Variants in NAA25 observed in about 807,000 individuals in gnomAD.
NAA25 encodes N-terminal acetyltransferase B complex subunit NAA25.
A neutral mutation model predicts 132.5 loss-of-function variants in NAA25; 30 were observed. That is an observed-to-expected ratio of 0.23 (90% CI 0.17 to 0.31). NAA25 has a LOEUF of 0.31. Among genes scored for constraint, NAA25 ranks in the 10% least tolerant of loss-of-function variants. NAA25 has a pLI of 1.00. For missense variants in NAA25, 771 were observed against 1,150.4 expected (o/e 0.67, Z 4.77); for synonymous variants, 359 against 401.9 (o/e 0.89, Z 1.28).
rs150106559 is a variant in NAA25, at chr12:112,029,597, G to A, written c.2853C>T (p.His951=). Residue 951 remains histidine, a synonymous_variant, in exon 24 of 24, where the codon CAC becomes CAT. Coordinates refer to ENST00000261745, the MANE Select transcript of NAA25 (RefSeq NM_024953.4). The part of the protein sequence containing the change: ...VQGKVQSSYL[H]SLLEMGELLK... The stretch of plus-strand genomic sequence containing the variant: ...GCAGCTCCCCCATTTCCAGAAGTGA[G>A]TGCAGATAACTGCTCTGCACCTTCC... 93 of 1,613,952 alleles carry A rather than the reference G, an allele frequency of 5.8e-5. 1 individual carries two copies. The African/African-American group carries it at 1.2e-3, about 21-fold the overall frequency.
chr12:112,041,855 CT>C, intron 20 of NAA25, among the ~76,000 whole-genome samples, 183 bp downstream of exon 20: 1 of 152,160 alleles, frequency 6.6e-6, no homozygotes, highest in Non-Finnish European at 1.5e-5. Flanking sequence ...TTAAAGATTA[CT>C]TTTTATCTGT....
intron 4 of NAA25, among the ~76,000 whole-genome samples, chr12:112,086,071 T>TACACACACACAC (rs71083199): frequency 3.7e-5 from 2 of 53,652 alleles, no homozygotes; most frequent in East Asian, 3.9e-3. Context: ...TATATATATA[T>TACACACACACAC]ATACACACAC....
At chr12:112,106,007 G>C (rs912988789) in intron 1 of NAA25, among the ~76,000 whole-genome samples, 6 of 152,158 alleles carry the variant, frequency 3.9e-5, no homozygotes, top group African/African-American at 1.4e-4. Flanking sequence ...TGGTTGTTTG[G>C]GGGTAGTAAT....
chr12:112,051,716 A>G (rs779346988), intron 15 of NAA25, among the ~76,000 whole-genome samples: 3 of 152,238 alleles, frequency 2.0e-5, no homozygotes, highest in Non-Finnish European at 4.4e-5. Context: ...TCAGCAAAAC[A>G]TAAAACAAAG....
In NAA25 at chr12:112,064,748, G is replaced by A. The variant is rs566894480; in HGVS notation, c.1150-3360C>T. 4.6e-5 allele frequency among the ~76,000 whole-genome samples: 7 copies of A among 152,232 alleles called. No homozygotes were observed. In the South Asian group the frequency reaches 6.2e-4, roughly 14 times the overall value. On this transcript the variant is annotated intron_variant, in intron 11 of 23. Coordinates refer to ENST00000261745, the MANE Select transcript of NAA25 (RefSeq NM_024953.4). Reference sequence around the variant, plus strand: ...AAAAATTTCTTTAAAAACTAGAATCGTTGAGGCTGGGTGCAGTGGCTCACG... The same window carrying A: ...AAAAATTTCTTTAAAAACTAGAATCATTGAGGCTGGGTGCAGTGGCTCACG...
chr12:112,054,986 A>G (rs2078523480), intron 13 of NAA25, among the ~76,000 whole-genome samples: 1 of 152,212 alleles, frequency 6.6e-6, no homozygotes. Flanking sequence ...CTCTACTAAC[A>G]GAATGGCAAA....
At chr12:112,091,454 C>T (rs150218585) in intron 2 of NAA25, among the ~76,000 whole-genome samples, 2 of 151,768 alleles carry the variant, frequency 1.3e-5, no homozygotes, top group East Asian at 2.0e-4. Context: ...TTTGGAAGGC[C>T]GAGGCGGGAG....
At chr12:112,054,329 C>A in intron 14 of NAA25, 59 bp downstream of exon 14, 1 of 1,459,574 alleles carries the variant, frequency 6.9e-7, no homozygotes, top group South Asian at 1.3e-5. Flanking sequence ...AAGTTAGAGT[C>A]CTGTGTACCC....
At chr12:112,103,674 T>C (rs1593845337) in intron 1 of NAA25, among the ~76,000 whole-genome samples, 1 of 152,188 alleles carries the variant, frequency 6.6e-6, no homozygotes, top group African/African-American at 2.4e-5. Flanking sequence ...CCACTTTTGA[T>C]TGAGGACCTG....
At chr12:112,108,081 C>T (rs1593850658) in intron 1 of NAA25, among the ~76,000 whole-genome samples, 1 of 152,130 alleles carries the variant, frequency 6.6e-6, no homozygotes, top group East Asian at 1.9e-4. Context: ...ATCTCTTCAC[C>T]GCTATTTTAG....
At chr12:112,047,847 A>G in intron 16 of NAA25, 57 bp from the exon 17 acceptor site, 1 of 1,506,348 alleles carries the variant, frequency 6.6e-7, no homozygotes, top group Non-Finnish European at 9.0e-7. Context: ...AGAAAATATT[A>G]TTAATCAGGA....
At chr12:112,103,284 G>A (rs1192091157) in intron 1 of NAA25, among the ~76,000 whole-genome samples, 2 of 152,192 alleles carry the variant, frequency 1.3e-5, no homozygotes, top group Non-Finnish European at 2.9e-5. Flanking sequence ...ACCTCACCCA[G>A]CCAAACCACT....
chr12:112,044,053 A>C (rs1037808958), intron 17 of NAA25, among the ~76,000 whole-genome samples, 185 bp from the exon 18 acceptor site: 1 of 150,454 alleles, frequency 6.6e-6, no homozygotes, highest in African/African-American at 2.4e-5. Context: ...TCAGCCTCCC[A>C]AGTAGCTGGG....
chr12:112,108,595 C>T (rs1343527116), intron 1 of NAA25, 121 bp downstream of exon 1: 2 of 1,099,646 alleles, frequency 1.8e-6, no homozygotes, highest in African/African-American at 1.7e-5. Context: ...CCCGCGCGGC[C>T]CGCCCCCCTG....
chr12:112,106,358 A>T (rs1174063277), intron 1 of NAA25, among the ~76,000 whole-genome samples: 3 of 152,020 alleles, frequency 2.0e-5, no homozygotes, highest in Non-Finnish European at 4.4e-5. Context: ...TTAAAAATCA[A>T]ATTATTCTTG....
At chr12:112,101,325 T>C (rs948749090) in intron 1 of NAA25, among the ~76,000 whole-genome samples, 1 of 152,160 alleles carries the variant, frequency 6.6e-6, no homozygotes, top group Non-Finnish European at 1.5e-5. Flanking sequence ...CTGTGCTGTT[T>C]AGTACTCATT....
At chr12:112,064,652 T>C (rs1490905381) in intron 11 of NAA25, among the ~76,000 whole-genome samples, 1 of 152,218 alleles carries the variant, frequency 6.6e-6, no homozygotes, top group African/African-American at 2.4e-5. Context: ...TAAAGAAACA[T>C]CTTCCTGACA....
At chr12:112,094,035 C>A (rs1240843615) in intron 1 of NAA25, among the ~76,000 whole-genome samples, 1 of 151,666 alleles carries the variant, frequency 6.6e-6, no homozygotes, top group Non-Finnish European at 1.5e-5. Flanking sequence ...GTCAGGAGAT[C>A]GAGACCATCC....
At chr12:112,078,473 C>T (rs913618103) in intron 6 of NAA25, among the ~76,000 whole-genome samples, 161 bp downstream of exon 6, 13 of 152,148 alleles carry the variant, frequency 8.5e-5, no homozygotes, top group African/African-American at 3.1e-4. Context: ...GGAAACAGGT[C>T]AGTGATTAGA....
Sources: allele counts gnomAD v4.1 joint callset (sites outside exome capture counted in the v4.1 genomes callset), GRCh38; gene constraint gnomAD v4.1.1; transcripts MANE v1.5; gene names NCBI Gene and HGNC (gene_info 2026-07-23, HGNC 2026-07-21).